PELI2: variants seen among roughly 807,000 people sequenced by gnomAD.
PELI2 encodes pellino E3 ubiquitin protein ligase family member 2.
In PELI2, 23 loss-of-function variants were observed where a neutral mutation model predicts 42.3. The observed-to-expected ratio is 0.54, with a 90% confidence interval of 0.39 to 0.77. The LOEUF (loss-of-function observed/expected upper bound fraction) is 0.77. Ranked by LOEUF, PELI2 falls within the 30% of genes least tolerant of loss-of-function variation. The pLI, the probability that PELI2 is intolerant of heterozygous loss-of-function variation, is 0.00. For missense variants in PELI2, 463 were observed against 553.2 expected, an observed-to-expected ratio of 0.84 and a Z score of 1.64; for synonymous variants, 245 against 212.2, an observed-to-expected ratio of 1.15 and a Z score of -1.34.
intron 2 of PELI2, among the ~76,000 whole-genome samples, chr14:56,218,150 A>C (rs1021356086): frequency 2.0e-5 from 3 of 152,242 alleles, no homozygotes; most frequent in African/African-American, 7.2e-5. Flanking sequence ...GGTCTACCAA[A>C]GAAGAGACTG....
At chr14:56,148,874 G>T (rs1884233087) in intron 1 of PELI2, among the ~76,000 whole-genome samples, 1 of 152,176 alleles carries the variant, frequency 6.6e-6, no homozygotes, top group African/African-American at 2.4e-5. Flanking sequence ...GATGAAGAGG[G>T]AAGAGGAGTC....
chr14:56,184,362 C>T (rs1885694246), intron 2 of PELI2, among the ~76,000 whole-genome samples: 1 of 151,914 alleles, frequency 6.6e-6, no homozygotes, highest in African/African-American at 2.4e-5. Flanking sequence ...GAGGAACAAA[C>T]AAATTTGAAA....
chr14:56,273,343 C>T lies in PELI2; in HGVS notation c.208-6333C>T, dbSNP rs1205511234. 6.6e-6 allele frequency among the ~76,000 whole-genome samples: 1 copy of T among 152,170 alleles called. No individual in the cohort carries two copies. The highest frequency in any genetic ancestry group is 2.4e-5 in the African/African-American group (1 of 41,446). ...ATGGAAGCTGCAAGCCTTTCCTGAC[C>T]TAGTATCAGAAGTCCCATGTGTCAC... On this transcript the variant is annotated intron_variant, in intron 2 of 5. Coordinates refer to ENST00000267460, the MANE Select transcript of PELI2 (RefSeq NM_021255.3). This position sits in a 1 kb window ranked among gnomAD's most constrained non-coding sequence, Gnocchi z 4.3.
chr14:56,258,205 A>G lies in PELI2; in HGVS notation c.208-21471A>G, dbSNP rs1280213052. ...CTCTGGACTTGCCCAAACAAAGCTT[A>G]AAAGCAAGTCTTGGGAGATAAAACT... On this transcript the variant is annotated intron_variant, in intron 2 of 5. Transcript: ENST00000267460. Among the ~76,000 whole-genome samples the G allele has an allele frequency of 2.0e-5, 3 of 152,206 alleles. No individual in the cohort carries two copies. In the East Asian group the frequency reaches 5.8e-4, roughly 29 times the overall value.
At chr14:56,295,160 C>G (rs915743815) in intron 5 of PELI2, among the ~76,000 whole-genome samples, 3 of 152,146 alleles carry the variant, frequency 2.0e-5, no homozygotes, top group African/African-American at 7.2e-5. Flanking sequence ...TGTACTCACC[C>G]TCTCTACCCA....
chr14:56,203,830 C>G (rs1886424481), intron 2 of PELI2, among the ~76,000 whole-genome samples: 1 of 152,090 alleles, frequency 6.6e-6, no homozygotes, highest in Non-Finnish European at 1.5e-5. Flanking sequence ...TCACCCTACT[C>G]TAAATTAGAG....
At chr14:56,179,476 G>C (rs1885508929) in intron 2 of PELI2, among the ~76,000 whole-genome samples, 1 of 152,158 alleles carries the variant, frequency 6.6e-6, no homozygotes, top group Non-Finnish European at 1.5e-5. Context: ...AATTTGTTAG[G>C]AGGTGCCAAT....
At chr14:56,209,932 G>A (rs1886655087) in intron 2 of PELI2, among the ~76,000 whole-genome samples, 1 of 152,178 alleles carries the variant, frequency 6.6e-6, no homozygotes, top group South Asian at 2.1e-4. Context: ...CCAGGTGAAA[G>A]GAGATAAAGA....
intron 2 of PELI2, among the ~76,000 whole-genome samples, chr14:56,228,539 GA>G (rs1887442445): frequency 6.6e-6 from 1 of 151,978 alleles, no homozygotes; most frequent in South Asian, 2.1e-4. Context: ...TTTATTATGG[GA>G]AAATACACGA....
At chr14:56,119,038 C>G (rs1170238595) in intron 1 of PELI2, 1 of 149,484 alleles carries the variant, frequency 6.7e-6, no homozygotes, top group East Asian at 2.2e-4. Context: ...GCGGCCGTAT[C>G]GTGGGGGCGG....
intron 2 of PELI2, among the ~76,000 whole-genome samples, chr14:56,228,382 G>A (rs568624205): frequency 6.6e-6 from 1 of 152,086 alleles, no homozygotes; most frequent in African/African-American, 2.4e-5. Flanking sequence ...TAAAACCCTG[G>A]AGAATTAGAC....
At chr14:56,234,583 G>C (rs1386708196) in intron 2 of PELI2, among the ~76,000 whole-genome samples, 2 of 152,018 alleles carry the variant, frequency 1.3e-5, no homozygotes, top group East Asian at 3.9e-4. Context: ...GGGGAACATC[G>C]CACACCAGGG....
Position 56,288,817 on chromosome 14 carries a change from G to C in PELI2, c.507+183G>C, listed in dbSNP as rs749930435. On this transcript the variant is annotated intron_variant, in intron 4 of 5. Transcript: ENST00000267460. The surrounding 1 kb of genome is among the most constrained non-coding windows in gnomAD (Gnocchi z 4.6). ...AAAAATCTGAACATTAATAAGCATT[G>C]CTTGTTATTCATTATATTTTTTATA... 5.7e-4 allele frequency among the ~76,000 whole-genome samples: 87 copies of C among 152,050 alleles called. No homozygotes were observed. Among genetic ancestry groups the C allele is most frequent in the Non-Finnish European group, 7.5e-4 (51 of 68,016 alleles).
At chr14:56,149,838 A>G (rs1424191363) in intron 1 of PELI2, among the ~76,000 whole-genome samples, 1 of 152,174 alleles carries the variant, frequency 6.6e-6, no homozygotes, top group African/African-American at 2.4e-5. Flanking sequence ...TTTGTGTTTT[A>G]CTTTCGTTAA....
intron 2 of PELI2, among the ~76,000 whole-genome samples, chr14:56,238,476 T>C (rs759533048): frequency 1.8e-4 from 28 of 152,168 alleles, no homozygotes; most frequent in African/African-American, 3.4e-4. Context: ...GTTCTAGCAG[T>C]GGTAATAGCA....
chr14:56,253,059 A>G (rs1486679306), intron 2 of PELI2, among the ~76,000 whole-genome samples: 1 of 152,350 alleles, frequency 6.6e-6, no homozygotes. Context: ...ATGCAAATCA[A>G]TAAACGTAAT....
In PELI2 at chr14:56,173,832, C is replaced by T. The variant is rs530971161; in HGVS notation, c.78-4503C>T. On this transcript the variant is annotated intron_variant, in intron 1 of 5. Coordinates refer to ENST00000267460, the MANE Select transcript of PELI2 (RefSeq NM_021255.3). Reference sequence around the variant, plus strand: ...TAACAGTAATCGAGGATGATCTCATCTTGAGATCCTGGGCTTAATTACATC... The same window carrying T: ...TAACAGTAATCGAGGATGATCTCATTTTGAGATCCTGGGCTTAATTACATC... Among the ~76,000 whole-genome samples the T allele has an allele frequency of 6.6e-5, 10 of 152,310 alleles. No homozygotes were observed. The East Asian group carries it at 1.9e-3, about 29-fold the overall frequency.
intron 2 of PELI2, among the ~76,000 whole-genome samples, chr14:56,261,211 T>G (rs2139836644): frequency 6.6e-6 from 1 of 152,346 alleles, no homozygotes; most frequent in Non-Finnish European, 1.5e-5. Context: ...CAGCTTGCAT[T>G]AATACTTGGT....
At chr14:56,125,676 A>G (rs1883230057) in intron 1 of PELI2, among the ~76,000 whole-genome samples, 1 of 152,148 alleles carries the variant, frequency 6.6e-6, no homozygotes, top group Non-Finnish European at 1.5e-5. Flanking sequence ...TAGAAGTGTA[A>G]ACAAATACAA....
Sources: allele counts gnomAD v4.1 joint callset (sites outside exome capture counted in the v4.1 genomes callset), GRCh38; gene constraint gnomAD v4.1.1; non-coding constraint Gnocchi (gnomAD v3.1); transcripts MANE v1.5; gene names NCBI Gene and HGNC (gene_info 2026-07-23, HGNC 2026-07-21).